ZNF184: variants seen among roughly 807,000 people sequenced by gnomAD.
ZNF184 encodes zinc finger protein 184 (Kruppel-like).
A neutral mutation model predicts 54.4 loss-of-function variants in ZNF184; 16 were observed. That is an observed-to-expected ratio of 0.29 (90% CI 0.20 to 0.45). The LOEUF (loss-of-function observed/expected upper bound fraction) is 0.45. ZNF184 is among the 20% of genes least tolerant of loss of function. The probability of loss-of-function intolerance (pLI) is 1.00; values close to 1 mark genes in which losing one functional copy is unlikely to be tolerated. For missense variants in ZNF184, 681 were observed against 888.2 expected, an observed-to-expected ratio of 0.77 and a Z score of 2.97; for synonymous variants, 254 against 295.3, an observed-to-expected ratio of 0.86 and a Z score of 1.43.
At chr6:27,465,144 GAAA>G (rs1763096592) in intron 3 of ZNF184, among the ~76,000 whole-genome samples, 1 of 146,054 alleles carries the variant, frequency 6.8e-6, no homozygotes, top group Non-Finnish European at 1.5e-5. Flanking sequence ...AAAACTGTGA[GAAA>G]TAAAGTTCTG....
downstream of ZNF184, among the ~76,000 whole-genome samples, chr6:27,448,606 A>G (rs1371664369): frequency 6.6e-6 from 1 of 152,138 alleles, no homozygotes; most frequent in Non-Finnish European, 1.5e-5. Flanking sequence ...ATTACAATCC[A>G]GCCAGTGTTT....
intron 3 of ZNF184, among the ~76,000 whole-genome samples, chr6:27,461,417 T>C (rs1276502625): frequency 6.6e-6 from 1 of 152,144 alleles, no homozygotes. Context: ...AACAAATCAC[T>C]GAACTAAAGC....
At chr6:27,427,457 C>T in the ZNF184 span, among the ~76,000 whole-genome samples, 1 of 152,184 alleles carries the variant, frequency 6.6e-6, no homozygotes, top group African/African-American at 2.4e-5. Context: ...GAGGGCTTTA[C>T]CCTCCTACTT....
the ZNF184 span, among the ~76,000 whole-genome samples, chr6:27,419,505 GT>G: frequency 6.6e-6 from 1 of 151,342 alleles, no homozygotes; most frequent in African/African-American, 2.4e-5. The surrounding 1 kb of genome is among the most constrained non-coding windows in gnomAD (Gnocchi z 4.8). Context: ...TCCCTGCAGG[GT>G]ACATATCTAT....
chr6:27,460,505 T>C lies in ZNF184; in HGVS notation c.76-3096A>G, dbSNP rs527619206. On this transcript the variant is annotated intron_variant, in intron 3 of 5. Coordinates refer to ENST00000683788, the MANE Select transcript of ZNF184 (RefSeq NM_001318891.2). Reference sequence around the variant, plus strand: ...TACGGAGAGAAGGGAAACACTAACATGAGCCCCAGAATCCCCTTAACTTTT... The same window carrying C: ...TACGGAGAGAAGGGAAACACTAACACGAGCCCCAGAATCCCCTTAACTTTT... 2.0e-3 allele frequency among the ~76,000 whole-genome samples: 300 copies of C among 152,296 alleles called. 1 individual carries two copies. Among genetic ancestry groups the C allele is most frequent in the African/African-American group, 6.9e-3 (286 of 41,554 alleles).
chr6:27,408,119 G>A, the ZNF184 span: 1 of 691,160 alleles, frequency 1.4e-6, no homozygotes, highest in Non-Finnish European at 2.6e-6. Flanking sequence ...AAAACCTGTA[G>A]CAGTTTGTTA....
At chr6:27,442,880 A>AAGAAAAG in the ZNF184 span, among the ~76,000 whole-genome samples, 1 of 86,252 alleles carries the variant, frequency 1.2e-5, no homozygotes, top group Non-Finnish European at 2.5e-5. Context: ...GAAAGAAAGA[A>AAGAAAAG]AAAGAAAAAA....
At chr6:27,469,874 G>A (rs888593100) in intron 2 of ZNF184, among the ~76,000 whole-genome samples, 1 of 152,120 alleles carries the variant, frequency 6.6e-6, no homozygotes, top group African/African-American at 2.4e-5. Flanking sequence ...TGTTGGGTTG[G>A]AAGACATAAG....
At chr6:27,434,979 G>T in the ZNF184 span, among the ~76,000 whole-genome samples, 1 of 151,828 alleles carries the variant, frequency 6.6e-6, no homozygotes. Context: ...ACCTGTGAGG[G>T]TTTATTTCTT....
chr6:27,451,354 G>A lies in ZNF184; in HGVS notation c.2205C>T (p.Phe735=). Residue 735 remains phenylalanine (F), a synonymous_variant, in exon 6 of 6, where the codon TTC becomes TTT. Coordinates refer to ENST00000683788, the MANE Select transcript of ZNF184 (RefSeq NM_001318891.2). ...PFGCNDCGKS[F]RYRSALNKHQ... is the part of the protein sequence containing the mutation. ...GTTTGTTGAGAGCAGAGCGATATCT[G>A]AAGGATTTTCCACAATCATTACATC... is the stretch of plus-strand genomic sequence containing the variant. The A allele has an allele frequency of 6.2e-7, 1 of 1,613,778 alleles. No homozygotes were observed. Among genetic ancestry groups the A allele is most frequent in the South Asian group, 1.1e-5 (1 of 91,024 alleles).
At chr6:27,445,431 G>A in the ZNF184 span, among the ~76,000 whole-genome samples, 1 of 152,122 alleles carries the variant, frequency 6.6e-6, no homozygotes, top group Non-Finnish European at 1.5e-5. Flanking sequence ...GGTAATAAGA[G>A]ATGGGACCTT....
At chr6:27,439,956 GA>G in the ZNF184 span, among the ~76,000 whole-genome samples, 1 of 152,070 alleles carries the variant, frequency 6.6e-6, no homozygotes, top group African/African-American at 2.4e-5. Context: ...ATTAGGAGAT[GA>G]AACTGACTTC....
the ZNF184 span, among the ~76,000 whole-genome samples, chr6:27,409,635 T>C: frequency 6.6e-6 from 1 of 152,122 alleles, no homozygotes; most frequent in Non-Finnish European, 1.5e-5. Flanking sequence ...CTCATTATTC[T>C]GAAAGATTTA....
At chr6:27,458,390 A>T (rs1561838705) in intron 3 of ZNF184, among the ~76,000 whole-genome samples, 1 of 151,472 alleles carries the variant, frequency 6.6e-6, no homozygotes, top group Non-Finnish European at 1.5e-5. Flanking sequence ...CTCACAAGGG[A>T]CTAATATCCA....
Position 27,452,139 on chromosome 6 carries a change from A to G in ZNF184, c.1420T>C (p.Tyr474His). Residue 474 changes from tyrosine (Y) to histidine (H), a missense_variant, in exon 6 of 6, where the codon TAC (tyrosine) becomes CAC (histidine). Coordinates refer to ENST00000683788, the MANE Select transcript of ZNF184 (RefSeq NM_001318891.2). This position sits in a 1 kb window ranked among gnomAD's most constrained non-coding sequence, Gnocchi z 5.5. ...HLKIHTGEKP[Y>H]KCNECGKAFS... ...GCCTTTCCACATTCATTGCATTTGT[A>G]AGGTTTTTCTCCAGTATGAATTTTC... The G allele has an allele frequency of 6.2e-7, 1 of 1,614,088 alleles. No homozygotes were observed. The highest frequency in any genetic ancestry group is 8.5e-7 in the Non-Finnish European group (1 of 1,180,002).
the ZNF184 span, among the ~76,000 whole-genome samples, chr6:27,424,192 G>C: frequency 6.6e-6 from 1 of 152,174 alleles, no homozygotes; most frequent in Non-Finnish European, 1.5e-5. Flanking sequence ...TTAAGGCACC[G>C]CGTCTGGAGT....
chr6:27,440,820 G>A, the ZNF184 span, among the ~76,000 whole-genome samples: 1 of 151,944 alleles, frequency 6.6e-6, no homozygotes, highest in East Asian at 1.9e-4. Flanking sequence ...TGGCTAACAC[G>A]GTGAAACCCC....
At chr6:27,408,462 G>T in the ZNF184 span, among the ~76,000 whole-genome samples, 1 of 152,258 alleles carries the variant, frequency 6.6e-6, no homozygotes, top group African/African-American at 2.4e-5. Flanking sequence ...ATTCTCTAAA[G>T]TTCCCCTGTC....
intron 3 of ZNF184, among the ~76,000 whole-genome samples, chr6:27,464,807 G>C (rs955082486): frequency 1.3e-5 from 2 of 151,776 alleles, no homozygotes; most frequent in Non-Finnish European, 2.9e-5. Flanking sequence ...ACGAGGTCAG[G>C]AGATCGAGAC....
Sources: allele counts gnomAD v4.1 joint callset (sites outside exome capture counted in the v4.1 genomes callset), GRCh38; gene constraint gnomAD v4.1.1; non-coding constraint Gnocchi (gnomAD v3.1); transcripts MANE v1.5; gene names NCBI Gene and HGNC (gene_info 2026-07-23, HGNC 2026-07-21).